FAM83E: variants seen among roughly 807,000 people sequenced by gnomAD.
FAM83E encodes the protein protein FAM83E.
A neutral mutation model predicts 34.3 loss-of-function variants in FAM83E; 29 were observed. The ratio of observed to expected loss-of-function variants is 0.85; its 90% confidence interval spans 0.63 to 1.15. FAM83E has a LOEUF of 1.15. Ranked by LOEUF, FAM83E falls within the 50% of genes most tolerant of loss-of-function variation. The pLI, the probability that FAM83E is intolerant of heterozygous loss-of-function variation, is 0.00. For synonymous variants in FAM83E, 312 were observed against 311.6 expected, an observed-to-expected ratio of 1.00 and a Z score of -0.01; for missense variants, 697 against 685.0, an observed-to-expected ratio of 1.02 and a Z score of -0.20.
chr19:48,608,945 G>A (rs370236898), intron 5 of FAM83E, among the ~76,000 whole-genome samples: 12 of 152,096 alleles, frequency 7.9e-5, no homozygotes, highest in African/African-American at 2.9e-4. Context: ...CCTCTGCTGG[G>A]TGGAGGCTGA....
chr19:48,613,010 C>A lies in FAM83E; in HGVS notation c.363G>T (p.Ala121=). 6.2e-7 allele frequency: 1 copy of A among 1,604,776 alleles called. No homozygotes were observed. Residue 121 remains alanine, a synonymous_variant, in exon 3 of 7, where the codon GCG becomes GCT. Transcript: ENST00000263266. The stretch of plus-strand genomic sequence containing the variant: ...GCTGCGCCCGGGTGATGCCTTTCCA[C>A]GCAGAGTCCACTGGCCAGCCCAGCC... ...VLRLGWPVDS[A]WKGITRAQLY...
chr19:48,601,808 A>C (rs896111234), intron 6 of FAM83E, among the ~76,000 whole-genome samples: 5 of 149,404 alleles, frequency 3.3e-5, no homozygotes, highest in Admixed American at 6.7e-5. Context: ...GGGAGGTGGA[A>C]GGAGATGGTG....
Position 48,614,589 on chromosome 19 carries a change from C to G in FAM83E, c.-1217G>C. 1.0e-6 allele frequency: 1 copy of G among 986,260 alleles called. No homozygotes were observed. The highest frequency in any genetic ancestry group is 1.2e-6 in the Non-Finnish European group (1 of 830,590). The allele number at this position is 986,260 out of a possible 1,614,324, so 61.1% of individuals were successfully genotyped here. On this transcript the variant is annotated 5_prime_UTR_variant, in exon 3 of 7. Coordinates refer to ENST00000263266, the MANE Select transcript of FAM83E (RefSeq NM_017708.4). Reference sequence around the variant, plus strand: ...CAGAAGCCCTTCATTCCAATCCCACCAACCCAGGCCGCTGCTTCCTCCAGA... The same window carrying G: ...CAGAAGCCCTTCATTCCAATCCCACGAACCCAGGCCGCTGCTTCCTCCAGA...
intron 5 of FAM83E, 21 bp from the exon 6 acceptor site, chr19:48,603,932 G>A (rs778933156): frequency 5.0e-6 from 8 of 1,586,802 alleles, no homozygotes; most frequent in South Asian, 4.6e-5. Flanking sequence ...GGGAGTAGGG[G>A]GTCAGAGTCT....
Position 48,610,855 on chromosome 19 carries a change from TG to T in FAM83E, c.466-9del. 1 of 1,587,890 alleles carries T rather than the reference TG, an allele frequency of 6.3e-7. No individual in the cohort carries two copies. The highest frequency in any genetic ancestry group is 1.8e-5 in the Admixed American group (1 of 56,268). On this transcript the variant is annotated splice_polypyrimidine_tract_variant and intron_variant, in intron 3 of 6. Transcript: ENST00000263266. ...CATGACCACGGCCACCAGCTGGGCA[TG>T]GGGAGAGGGGCGGTGGGCTTGTGAA...
In FAM83E at chr19:48,603,482, A is replaced by G. The variant is rs546377123; in HGVS notation, c.1176+12T>C. Reference sequence around the variant, plus strand: ...TGGGCTCCATCTTCTGGCACCAGCCACAAGGTCTCACCTCGTTGTCCCCAT... The same window carrying G: ...TGGGCTCCATCTTCTGGCACCAGCCGCAAGGTCTCACCTCGTTGTCCCCAT... On this transcript the variant is annotated intron_variant, in intron 6 of 6. Coordinates refer to ENST00000263266, the MANE Select transcript of FAM83E (RefSeq NM_017708.4). 6.8e-5 allele frequency: 105 copies of G among 1,550,272 alleles called. No individual in the cohort carries two copies. Among genetic ancestry groups the G allele is most frequent in the East Asian group, 2.5e-5 (1 of 39,518 alleles).
intron 3 of FAM83E, among the ~76,000 whole-genome samples, chr19:48,611,157 G>GTTTT (rs1974034652): frequency 6.6e-6 from 1 of 150,638 alleles, no homozygotes; most frequent in Non-Finnish European, 1.5e-5. Flanking sequence ...TTTTGTTGTT[G>GTTTT]TTGTTGTTTT....
chr19:48,613,710 C>T lies in FAM83E; in HGVS notation c.-338G>A. 2 of 1,193,678 alleles carry T rather than the reference C, an allele frequency of 1.7e-6. No homozygotes were observed. Among genetic ancestry groups the T allele is most frequent in the South Asian group, 4.9e-5 (2 of 41,068 alleles). 73.9% of individuals were successfully genotyped at this position (1,193,678 alleles called of 1,614,324 possible). A position where few individuals can be genotyped will look rare whatever the true frequency, so the allele number is the denominator to read the frequency against. On this transcript the variant is annotated 5_prime_UTR_variant, in exon 3 of 7. Transcript: ENST00000263266. ...GGTCAGGTTGACCTCCTGACACCATCCCCAACTGTGTGACCCATCAGCTGG... is the reference window on the plus strand; with the variant it reads ...GGTCAGGTTGACCTCCTGACACCATTCCCAACTGTGTGACCCATCAGCTGG...
rs1264918082 is a variant in FAM83E at position 48,601,043 on chromosome 19, C to T, written c.*66G>A. On this transcript the variant is annotated 3_prime_UTR_variant, in exon 7 of 7. Transcript: ENST00000263266. ...CAAGGCAGGGCATTGAGGCAGAGGG[C>T]TCTGAGCCGACAGTTGTCCGGCACT... is the stretch of plus-strand genomic sequence containing the variant. 6.5e-7 allele frequency: 1 copy of T among 1,537,398 alleles called. No individual in the cohort carries two copies. The highest frequency in any genetic ancestry group is 1.4e-5 in the African/African-American group (1 of 72,516).
chr19:48,611,886 G>A (rs1468308529), intron 3 of FAM83E, among the ~76,000 whole-genome samples: 1 of 152,184 alleles, frequency 6.6e-6, no homozygotes, highest in African/African-American at 2.4e-5. Flanking sequence ...GGCACTGTGG[G>A]CAACTGCATT....
intron 4 of FAM83E, 38 bp downstream of exon 4, chr19:48,610,642 G>C (rs1254931548): frequency 3.2e-6 from 5 of 1,541,996 alleles, no homozygotes; most frequent in Non-Finnish European, 4.4e-6. Context: ...CATGCCAGGG[G>C]AATGGGGACT....
chr19:48,613,239 G>T lies in FAM83E; in HGVS notation c.134C>A (p.Ala45Glu). ...CTCGCGCTGCACGCAGGTCTGGAAC[G>T]CCTCCGCGCCCTTGCTCAACAGAGC... ...LEALLSKGAEAFQTCVQREEL... is the reference protein window; with the variant it reads ...LEALLSKGAEEFQTCVQREEL... Residue 45 changes from alanine to glutamate, a missense_variant, in exon 3 of 7, where the codon GCG becomes GAG. Transcript: ENST00000263266. The T allele has an allele frequency of 1.2e-6, 2 of 1,610,374 alleles. No individual in the cohort carries two copies. The highest frequency in any genetic ancestry group is 2.2e-5 in the South Asian group (2 of 91,076).
intron 6 of FAM83E, among the ~76,000 whole-genome samples, chr19:48,602,825 TTTATTATTATTA>T (rs201384936): frequency 0.012 from 1,406 of 113,980 alleles, 35 homozygotes; most frequent in African/African-American, 0.038. Context: ...TTATTTATTG[TTTATTATTATTA>T]TTATTATTAT....
intron 3 of FAM83E, among the ~76,000 whole-genome samples, chr19:48,611,429 A>G (rs994485870): frequency 2.6e-5 from 4 of 151,510 alleles, no homozygotes; most frequent in African/African-American, 7.3e-5. Context: ...CAGCCTCCCA[A>G]AGTGCTAGGA....
intron 5 of FAM83E, among the ~76,000 whole-genome samples, chr19:48,605,257 T>G (rs1290937814): frequency 6.6e-6 from 1 of 151,968 alleles, no homozygotes; most frequent in Non-Finnish European, 1.5e-5. Context: ...CTCCCTGCAG[T>G]GCTCATCTGC....
Position 48,613,641 on chromosome 19 carries a change from T to C in FAM83E, c.-269A>G. The C allele has an allele frequency of 1.5e-6, 2 of 1,318,410 alleles. No homozygotes were observed. The highest frequency in any genetic ancestry group is 2.8e-4 in the Middle Eastern group (1 of 3,516). The allele number at this position is 1,318,410 out of a possible 1,614,324, so 81.7% of individuals were successfully genotyped here. On this transcript the variant is annotated 5_prime_UTR_variant, in exon 3 of 7. An upstream start codon of the reference 5' UTR is lost. Transcript: ENST00000263266. ...CACCTGCCTGCACCCAGTGGCACCA[T>C]GCCTGGCTGGCCTTCCGTGACCTTC...
intron 5 of FAM83E, chr19:48,607,612 A>T (rs1385104247): frequency 9.9e-6 from 5 of 505,742 alleles, no homozygotes; most frequent in Admixed American, 3.4e-5. Context: ...AGCTTCTCAC[A>T]TCTCAATCAG....
At position 48,612,988 on chromosome 19, in the gene FAM83E, G is replaced by T. The variant is rs371393293; in HGVS notation, c.385C>A (p.Gln129Lys). 26 of 1,603,802 alleles carry T rather than the reference G, an allele frequency of 1.6e-5. No homozygotes were observed. In the East Asian group the frequency reaches 1.8e-4, roughly 11 times the overall value. Residue 129 changes from glutamine (Q) to lysine (K), a missense_variant, in exon 3 of 7, where the codon CAG (glutamine) becomes AAG (lysine). Transcript: ENST00000263266. Reference sequence around the variant, plus strand: ...TCTCCAGGAGGCTGGGTGTACAGCTGCGCCCGGGTGATGCCTTTCCACGCA... The same window carrying T: ...TCTCCAGGAGGCTGGGTGTACAGCTTCGCCCGGGTGATGCCTTTCCACGCA... ...DSAWKGITRA[Q>K]LYTQPPGEGQ...
chr19:48,603,118 T>C (rs984002790), intron 6 of FAM83E, among the ~76,000 whole-genome samples: 1 of 152,114 alleles, frequency 6.6e-6, no homozygotes, highest in Admixed American at 6.5e-5. Flanking sequence ...ATTACTACTC[T>C]ATTTCATTTA....
Sources: gnomAD v4.1 joint callset for allele counts (sites outside exome capture counted in the v4.1 genomes callset) on GRCh38, gnomAD v4.1.1 for gene constraint, MANE v1.5 for transcripts, NCBI Gene and HGNC (gene_info 2026-07-23, HGNC 2026-07-21) for gene names.